ST7L: variants seen among roughly 807,000 people sequenced by gnomAD.
ST7L encodes suppressor of tumorigenicity 7 protein-like.
A neutral mutation model predicts 72.5 loss-of-function variants in ST7L; 57 were observed. That is an observed-to-expected ratio of 0.79 (90% CI 0.64 to 0.98). The LOEUF (loss-of-function observed/expected upper bound fraction) is 0.98. Ranked by LOEUF, ST7L falls within the 50% of genes least tolerant of loss-of-function variation. ST7L has a pLI of 0.00. For missense variants in ST7L, 576 were observed against 672.2 expected, an observed-to-expected ratio of 0.86 and a Z score of 1.58; for synonymous variants, 221 against 240.9, an observed-to-expected ratio of 0.92 and a Z score of 0.77.
At chr1:112,586,144 C>T (rs993281054) in intron 6 of ST7L, among the ~76,000 whole-genome samples, 3 of 152,182 alleles carry the variant, frequency 2.0e-5, no homozygotes, top group Non-Finnish European at 4.4e-5. Context: ...ACTGGCCTTC[C>T]TGCCCAGGCA....
At chr1:112,619,436 G>A, upstream of ST7L, 4 of 542,750 alleles carry the variant, frequency 7.4e-6, no homozygotes, top group Non-Finnish European at 1.3e-5. Context: ...AAAAGCCACC[G>A]ATCGTTCCAG....
intron 5 of ST7L, among the ~76,000 whole-genome samples, chr1:112,593,007 T>C (rs1317190580): frequency 6.6e-6 from 1 of 152,190 alleles, no homozygotes; most frequent in Non-Finnish European, 1.5e-5. Context: ...TGTATTAATT[T>C]ATACTTTTTC....
intron 11 of ST7L, among the ~76,000 whole-genome samples, chr1:112,573,388 T>C (rs1241734572): frequency 6.7e-6 from 1 of 150,108 alleles, no homozygotes; most frequent in East Asian, 1.9e-4. Context: ...AAATTGAGTA[T>C]TACAACTAAT....
chr1:112,598,085 A>G lies in ST7L; in HGVS notation c.508T>C (p.Tyr170His). The change falls in exon 5 of 15, where the codon TAC becomes CAC. Residue 170 changes from tyrosine to histidine, a missense_variant and splice_region_variant. This residue lies in a region of ST7L where 511 missense variants were observed against 600.7 expected (regional missense o/e 0.85). Transcript: ENST00000358039. ...GGCTCTTTACCAGTCACCCAAGTGT[A>G]TCTTTACCAAAACACAACAAAATAT... ...NLFRGAEYRR[Y>H]TWVTGKEPLT... The G allele has an allele frequency of 6.2e-7, 1 of 1,607,346 alleles. No individual in the cohort carries two copies. Among genetic ancestry groups the G allele is most frequent in the Admixed American group, 1.7e-5 (1 of 58,940 alleles).
At chr1:112,597,786 A>G (rs965759318) in intron 5 of ST7L, among the ~76,000 whole-genome samples, 185 bp downstream of exon 5, 1 of 152,226 alleles carries the variant, frequency 6.6e-6, no homozygotes, top group African/African-American at 2.4e-5. Flanking sequence ...TAAATTCTTT[A>G]TAAGGAAAAG....
Position 112,541,996 on chromosome 1 carries a change from A to G in ST7L, c.1584T>C (p.Ile528=). The G allele has an allele frequency of 6.2e-7, 1 of 1,614,036 alleles. No individual in the cohort carries two copies. The highest frequency in any genetic ancestry group is 8.5e-7 in the Non-Finnish European group (1 of 1,179,978). The change falls in exon 14 of 15, where the codon ATT becomes ATC. Residue 528 remains isoleucine, a synonymous_variant. Coordinates refer to ENST00000358039, the MANE Select transcript of ST7L (RefSeq NM_017744.5). ...TGATTTCAGGAAACTGGTGAGTGAG[A>G]ATGGCTATCATTGCTGTAGAAGAGC... ...GFCSSTAMIA[I]LTHQFPEIMG...
intron 6 of ST7L, among the ~76,000 whole-genome samples, chr1:112,588,916 T>G (rs1198225007): frequency 1.3e-5 from 2 of 152,164 alleles, no homozygotes; most frequent in African/African-American, 4.8e-5. Context: ...CAGACTCTGG[T>G]CATATTTCTT....
At chr1:112,522,702 T>C (rs988974202), downstream of ST7L, 4 of 152,246 alleles carry the variant, frequency 2.6e-5, no homozygotes, top group African/African-American at 9.7e-5. Context: ...GGTTTTTCTT[T>C]TGGTGAGGGG....
At chr1:112,574,355 GTC>G (rs1662705425) in intron 11 of ST7L, among the ~76,000 whole-genome samples, 1 of 150,284 alleles carries the variant, frequency 6.7e-6, no homozygotes, top group Non-Finnish European at 1.5e-5. Context: ...TAGCTGAAGA[GTC>G]TGTCTTAAAA....
intron 3 of ST7L, among the ~76,000 whole-genome samples, chr1:112,603,844 C>G (rs186629331): frequency 2.0e-5 from 3 of 152,104 alleles, no homozygotes; most frequent in African/African-American, 7.2e-5. Flanking sequence ...TATTATAAGG[C>G]CTTCCTGTCT....
chr1:112,545,351 T>A (rs778221898), intron 13 of ST7L, among the ~76,000 whole-genome samples: 18 of 152,216 alleles, frequency 1.2e-4, no homozygotes, highest in Non-Finnish European at 2.2e-4. Context: ...CATATTACTA[T>A]GTAAAATTGG....
chr1:112,584,042 C>A lies in ST7L; in HGVS notation c.786G>T (p.Lys262Asn). The change falls in exon 7 of 15, where the codon AAG becomes AAT. Residue 262 changes from lysine (K) to asparagine (N), a missense_variant. Lys to Asn is a moderately conservative substitution (Grantham distance 94). Around this residue, in one of 3 missense-constraint regions of ST7L, gnomAD observed 511 missense variants for 600.7 expected, o/e 0.85. Coordinates refer to ENST00000358039, the MANE Select transcript of ST7L (RefSeq NM_017744.5). ...DAERLFKQAL[K>N]AGETIYRQSQ... ...ACTGCCTATAAATTGTTTCTCCTGCCTTGAGTGCCTGTTTAAATAACCTTT... is the reference window on the plus strand; with the variant it reads ...ACTGCCTATAAATTGTTTCTCCTGCATTGAGTGCCTGTTTAAATAACCTTT... 1 of 1,614,134 alleles carries A rather than the reference C, an allele frequency of 6.2e-7. No individual in the cohort carries two copies. The highest frequency in any genetic ancestry group is 8.5e-7 in the Non-Finnish European group (1 of 1,180,012).
intron 11 of ST7L, among the ~76,000 whole-genome samples, chr1:112,564,138 G>T (rs1660587227): frequency 6.6e-6 from 1 of 152,140 alleles, no homozygotes; most frequent in African/African-American, 2.4e-5. Flanking sequence ...AAAATAAACA[G>T]AACTGCTATG....
At chr1:112,539,790 C>T (rs1166586208) in intron 14 of ST7L, 6 of 985,090 alleles carry the variant, frequency 6.1e-6, no homozygotes, top group Admixed American at 6.2e-5. Context: ...CAGGAACTTT[C>T]AGTAAATACT....
chr1:112,545,070 T>C (rs1294189055), intron 13 of ST7L, among the ~76,000 whole-genome samples: 1 of 152,196 alleles, frequency 6.6e-6, no homozygotes, highest in Non-Finnish European at 1.5e-5. Flanking sequence ...CGGTAAGTCA[T>C]ATCAAAGTTG....
chr1:112,550,444 T>C (rs987902681), intron 13 of ST7L, among the ~76,000 whole-genome samples, 157 bp downstream of exon 13: 1 of 152,196 alleles, frequency 6.6e-6, no homozygotes, highest in Non-Finnish European at 1.5e-5. Flanking sequence ...TATTAGGAAA[T>C]AAATTGAATT....
chr1:112,610,092 G>T (rs1273443390), intron 3 of ST7L, among the ~76,000 whole-genome samples: 1 of 151,918 alleles, frequency 6.6e-6, no homozygotes, highest in Non-Finnish European at 1.5e-5. Flanking sequence ...CTTCCTTATA[G>T]CTAGTAATGG....
At chr1:112,543,102 G>C (rs1387010939) in intron 13 of ST7L, among the ~76,000 whole-genome samples, 1 of 152,098 alleles carries the variant, frequency 6.6e-6, no homozygotes, top group African/African-American at 2.4e-5. Flanking sequence ...ACCTGGCATT[G>C]AGTTGTTATT....
At chr1:112,565,821 A>G (rs1003732714) in intron 11 of ST7L, among the ~76,000 whole-genome samples, 1 of 152,110 alleles carries the variant, frequency 6.6e-6, no homozygotes, top group African/African-American at 2.4e-5. Flanking sequence ...GTTCAAGACC[A>G]GCCTGGACAA....
Sources: allele counts gnomAD v4.1 joint callset (sites outside exome capture counted in the v4.1 genomes callset), GRCh38; gene constraint gnomAD v4.1.1; regional missense constraint gnomAD v4.1.1; transcripts MANE v1.5; gene names NCBI Gene and HGNC (gene_info 2026-07-23, HGNC 2026-07-21).